PAG1: variants seen among roughly 807,000 people sequenced by gnomAD.
PAG1 encodes the protein phosphoprotein membrane anchor with glycosphingolipid microdomains 1.
Under a neutral mutation model 31.7 loss-of-function variants are expected in PAG1, and 23 were observed. That is an observed-to-expected ratio of 0.73 (90% CI 0.52 to 1.03). The LOEUF is 1.03. Ranked by LOEUF, PAG1 falls within the 50% of genes least tolerant of loss-of-function variation. The pLI is 0.00. For synonymous variants in PAG1, 214 were observed against 210.3 expected (o/e 1.02, Z -0.15); for missense variants, 473 against 540.7 (o/e 0.87, Z 1.24).
At chr8:81,067,187 T>C (rs757551495) in intron 2 of PAG1, among the ~76,000 whole-genome samples, 86 of 152,112 alleles carry the variant, frequency 5.7e-4, no homozygotes, top group Admixed American at 7.9e-4. Flanking sequence ...AAATTATGTA[T>C]GTTTGCCTGG....
chr8:81,104,951 C>T (rs11994289), intron 1 of PAG1, among the ~76,000 whole-genome samples: 112,033 of 151,844 alleles, frequency 0.74, 42,412 homozygotes, highest in East Asian at 1. Context: ...TCCAGTCTCA[C>T]TCCCCACCCT....
At chr8:81,023,962 T>C (rs1263811698) in intron 3 of PAG1, among the ~76,000 whole-genome samples, 2 of 152,076 alleles carry the variant, frequency 1.3e-5, no homozygotes, top group Non-Finnish European at 2.9e-5. Context: ...CTGTAATCAG[T>C]TATCCATTCT....
Position 80,976,627 on chromosome 8 carries a change from C to T in PAG1, c.1216G>A (p.Gly406Ser), listed in dbSNP as rs1429439612. The T allele has an allele frequency of 6.2e-7, 1 of 1,614,128 alleles. No homozygotes were observed. Among genetic ancestry groups the T allele is most frequent in the Non-Finnish European group, 8.5e-7 (1 of 1,179,984 alleles). ...EEEKATLGTN[G>S]HHGLVPKEND... ...TCCTTTGGGACGAGACCGTGGTGGCCATTGGTCCCCAGGGTGGCCTTTTCT... is the reference window on the plus strand; with the variant it reads ...TCCTTTGGGACGAGACCGTGGTGGCTATTGGTCCCCAGGGTGGCCTTTTCT... The change falls in exon 9 of 9, where the codon GGC (glycine) becomes AGC (serine). Residue 406 changes from glycine (G) to serine (S), a missense_variant. Physicochemically the swap from Gly to Ser is moderately conservative, Grantham distance 56 (BLOSUM62 0). Coordinates refer to ENST00000220597, the MANE Select transcript of PAG1 (RefSeq NM_018440.4).
intron 1 of PAG1, among the ~76,000 whole-genome samples, chr8:81,071,805 C>T (rs1397835222): frequency 6.6e-6 from 1 of 152,154 alleles, no homozygotes. Flanking sequence ...GAATACAGTA[C>T]AGAAAAGAAC....
At position 80,973,006 on chromosome 8, in the gene PAG1, A is replaced by G. The variant is rs1346665909; in HGVS notation, c.*3538T>C. On this transcript the variant is annotated 3_prime_UTR_variant, in exon 9 of 9. Coordinates refer to ENST00000220597, the MANE Select transcript of PAG1 (RefSeq NM_018440.4). ...TAAGTAAATGCTCTAATTAGCAAAA[A>G]TCATGAGAAATATATACAGTGATAT... is the stretch of plus-strand genomic sequence containing the variant. The G allele has an allele frequency of 6.6e-6, 1 of 151,770 alleles. No homozygotes were observed. Among genetic ancestry groups the G allele is most frequent in the East Asian group, 1.9e-4 (1 of 5,170 alleles). The allele number at this position is 151,770 out of a possible 1,614,324, so 9.4% of individuals were successfully genotyped here. A position where few individuals can be genotyped will look rare whatever the true frequency, so the allele number is the denominator to read the frequency against.
intron 6 of PAG1, among the ~76,000 whole-genome samples, chr8:80,985,870 T>G (rs986637839): frequency 6.6e-6 from 1 of 152,202 alleles, no homozygotes; most frequent in Non-Finnish European, 1.5e-5. Context: ...AGGGCAAACA[T>G]GCACCCGTCA....
At position 80,990,567 on chromosome 8, in the gene PAG1, C is replaced by T. The variant is rs916034754; in HGVS notation, c.177+912G>A. On this transcript the variant is annotated intron_variant, in intron 5 of 8. Coordinates refer to ENST00000220597, the MANE Select transcript of PAG1 (RefSeq NM_018440.4). The surrounding 1 kb of genome is among the most constrained non-coding windows in gnomAD (Gnocchi z 5.1). ...ATGTGACGATGGGCCCCCTCCCCAG[C>T]GGCTGGGACTGCTCAGCCATTCAAA... Among the ~76,000 whole-genome samples, 3 of 152,126 alleles carry T rather than the reference C, an allele frequency of 2.0e-5. No individual in the cohort carries two copies. The highest frequency in any genetic ancestry group is 7.2e-5 in the African/African-American group (3 of 41,412).
At chr8:81,006,576 C>T (rs1406029119) in intron 3 of PAG1, among the ~76,000 whole-genome samples, 1 of 152,184 alleles carries the variant, frequency 6.6e-6, no homozygotes, top group African/African-American at 2.4e-5. Context: ...CTTAGAAAGC[C>T]ATGGAGCCAA....
At chr8:81,055,942 C>G (rs577825609) in intron 2 of PAG1, among the ~76,000 whole-genome samples, 45 of 152,212 alleles carry the variant, frequency 3.0e-4, no homozygotes, top group Admixed American at 3.9e-4. Context: ...AACTGAATAC[C>G]CTTTATTTCT....
At chr8:81,057,802 A>C (rs1029088323) in intron 2 of PAG1, among the ~76,000 whole-genome samples, 11 of 152,236 alleles carry the variant, frequency 7.2e-5, no homozygotes, top group African/African-American at 2.2e-4. Flanking sequence ...AATGTACTAG[A>C]ATATCAAAGT....
In PAG1 at chr8:81,082,446, G is replaced by A. The variant is rs559943128; in HGVS notation, c.-233-12276C>T. 3.0e-4 allele frequency among the ~76,000 whole-genome samples: 45 copies of A among 152,132 alleles called. 1 individual carries two copies. The highest frequency in any genetic ancestry group is 3.3e-4 in the Admixed American group (5 of 15,280). On this transcript the variant is annotated intron_variant, in intron 1 of 8. Transcript: ENST00000220597. ...TACACTCAACTCCTTGTATCTGTAG[G>A]TTTCAGTCTTCTGTTAAATGTGGCA...
intron 3 of PAG1, among the ~76,000 whole-genome samples, chr8:81,000,553 GC>G (rs1807766875): frequency 6.6e-6 from 1 of 152,122 alleles, no homozygotes; most frequent in African/African-American, 2.4e-5. Context: ...GTGATTCCCT[GC>G]CTCAGCCTCC....
chr8:81,082,045 G>C (rs535653254), intron 1 of PAG1, among the ~76,000 whole-genome samples: 17 of 152,070 alleles, frequency 1.1e-4, no homozygotes, highest in Non-Finnish European at 2.4e-4. Context: ...CTGAGGTCAG[G>C]AGTTCAAGAC....
In PAG1 at chr8:81,004,880, G is replaced by A. The variant is rs7812593; in HGVS notation, c.-80-11573C>T. Among the ~76,000 whole-genome samples the A allele has an allele frequency of 4.5e-3, 690 of 152,248 alleles. 8 individuals are homozygous for A. Among genetic ancestry groups the A allele is most frequent in the African/African-American group, 0.016 (659 of 41,556 alleles). On this transcript the variant is annotated intron_variant, in intron 3 of 8. Transcript: ENST00000220597. The stretch of plus-strand genomic sequence containing the variant: ...CACGGTGGAAAGGACTCCCTCCCAC[G>A]CATGCACTTGACCACAGCCAGGGCC...
At chr8:81,060,141 TC>T in intron 2 of PAG1, among the ~76,000 whole-genome samples, 1 of 152,136 alleles carries the variant, frequency 6.6e-6, no homozygotes, top group Non-Finnish European at 1.5e-5. Context: ...TGGCATTAGA[TC>T]AAAAAATCAA....
intron 1 of PAG1, among the ~76,000 whole-genome samples, chr8:81,100,392 A>T (rs1212249275): frequency 6.6e-6 from 1 of 152,220 alleles, no homozygotes; most frequent in East Asian, 1.9e-4. Flanking sequence ...TACCTTCTAA[A>T]TCAGGGTTTC....
intron 3 of PAG1, 190 bp downstream of exon 3, chr8:81,029,806 G>C (rs2130784447): frequency 6.6e-6 from 1 of 152,136 alleles, no homozygotes; most frequent in Non-Finnish European, 1.5e-5. Context: ...GCATTCTCCT[G>C]GTAACACATT....
Position 80,974,823 on chromosome 8 carries a change from T to C in PAG1, c.*1721A>G, listed in dbSNP as rs1452374525. ...CAGTGTAGGAAAAGCTGTCTTTCCA[T>C]AGCCCACACTCATAATAGCACTTCA... On this transcript the variant is annotated 3_prime_UTR_variant, in exon 9 of 9. Coordinates refer to ENST00000220597, the MANE Select transcript of PAG1 (RefSeq NM_018440.4). 2.6e-5 allele frequency: 4 copies of C among 152,234 alleles called. No individual in the cohort carries two copies. Among genetic ancestry groups the C allele is most frequent in the Admixed American group, 1.3e-4 (2 of 15,284 alleles). 9.4% of individuals were successfully genotyped at this position (152,234 alleles called of 1,614,324 possible).
At chr8:81,032,061 T>C (rs1377214758) in intron 2 of PAG1, among the ~76,000 whole-genome samples, 1 of 151,882 alleles carries the variant, frequency 6.6e-6, no homozygotes, top group Non-Finnish European at 1.5e-5. Flanking sequence ...GCAGAAAAAG[T>C]TAATGCAAAA....
Sources: gnomAD v4.1 joint callset for allele counts (sites outside exome capture counted in the v4.1 genomes callset) on GRCh38, gnomAD v4.1.1 for gene constraint, Gnocchi (gnomAD v3.1) non-coding constraint, MANE v1.5 for transcripts, NCBI Gene and HGNC (gene_info 2026-07-23, HGNC 2026-07-21) for gene names.